Variants in TBCEL observed in about 807,000 individuals in gnomAD.
The protein encoded by TBCEL is tubulin folding cofactor E like.
In TBCEL, 15 loss-of-function variants were observed where a neutral mutation model predicts 44.2. The observed-to-expected ratio is 0.34, with a 90% CI of 0.23 to 0.52. TBCEL has a LOEUF of 0.52. Ranked by LOEUF, TBCEL falls within the 20% of genes least tolerant of loss-of-function variation. The probability of loss-of-function intolerance (pLI) is 0.95; values close to 1 mark genes in which losing one functional copy is unlikely to be tolerated. For missense variants in TBCEL, 319 were observed against 506.3 expected, an observed-to-expected ratio of 0.63 and a Z score of 3.55; for synonymous variants, 171 against 185.4, an observed-to-expected ratio of 0.92 and a Z score of 0.63.
rs1015887862 is a variant in TBCEL, at chr11:121,089,195, C to T, written c.*2099C>T. On this transcript the variant is annotated 3_prime_UTR_variant, in exon 9 of 9. Transcript: ENST00000683345. Reference sequence around the variant, plus strand: ...CCCTGGACTGTCCCACAGCAGAAGGCAGAACAAACACTTATGTTATGCTTT... The same window carrying T: ...CCCTGGACTGTCCCACAGCAGAAGGTAGAACAAACACTTATGTTATGCTTT... 1 of 152,014 alleles carries T rather than the reference C, an allele frequency of 6.6e-6. No individual in the cohort carries two copies. Among genetic ancestry groups the T allele is most frequent in the African/African-American group, 2.4e-5 (1 of 41,404 alleles). 9.4% of individuals were successfully genotyped at this position (152,014 alleles called of 1,614,324 possible). A position where few individuals can be genotyped will look rare whatever the true frequency, so the allele number is the denominator to read the frequency against.
At position 121,086,896 on chromosome 11, in the gene TBCEL, A is replaced by G. The variant is rs144345151; in HGVS notation, c.1075A>G (p.Ile359Val). ...TAACGATCAGGTGGAAGAAATGAGC[A>G]TTCGTCTGGACCAAACAGTGGCAGA... is the stretch of plus-strand genomic sequence containing the variant. ...HFNDQVEEMS[I>V]RLDQTVAELK... is the part of the protein sequence containing the mutation. Residue 359 changes from isoleucine (I) to valine (V), a missense_variant, in exon 9 of 9, where the codon ATT becomes GTT. By Grantham distance (29) the Ile-to-Val change is conservative. Coordinates refer to ENST00000683345, the MANE Select transcript of TBCEL (RefSeq NM_001363644.2). 2.7e-4 allele frequency: 435 copies of G among 1,614,118 alleles called. 2 individuals carry two copies. The highest frequency in any genetic ancestry group is 1.2e-3 in the Admixed American group (71 of 60,028).
chr11:121,059,815 A>G (rs1945686672), intron 7 of TBCEL, among the ~76,000 whole-genome samples, 154 bp from the exon 8 acceptor site: 1 of 151,954 alleles, frequency 6.6e-6, no homozygotes, highest in Non-Finnish European at 1.5e-5. Context: ...GGTTTAGACC[A>G]CTTTAGTTCA....
intron 7 of TBCEL, 21 bp downstream of exon 7, chr11:121,058,492 T>C (rs372808939): frequency 1.2e-6 from 2 of 1,609,806 alleles, no homozygotes; most frequent in African/African-American, 2.7e-5. Context: ...CTGATCGTTT[T>C]GCTTTATTTT....
At chr11:121,075,338 CT>C (rs930214904) in intron 8 of TBCEL, among the ~76,000 whole-genome samples, 4 of 151,874 alleles carry the variant, frequency 2.6e-5, no homozygotes, top group African/African-American at 9.7e-5. Context: ...AACTGGATCA[CT>C]ATAGGCAAAA....
chr11:121,029,590 A>G lies in TBCEL; in HGVS notation c.-126+5299A>G, dbSNP rs143436548. Among the ~76,000 whole-genome samples the G allele has an allele frequency of 1.8e-3, 269 of 152,342 alleles. 2 individuals are homozygous for G. The highest frequency in any genetic ancestry group is 3.4e-3 in the Middle Eastern group (1 of 294). On this transcript the variant is annotated intron_variant, in intron 1 of 8. Coordinates refer to ENST00000683345, the MANE Select transcript of TBCEL (RefSeq NM_001363644.2). Reference sequence around the variant, plus strand: ...AACTGAAGACCATGCTTTTAATCACAGTGCTCTTCTAAAAATGAAATTTAA... The same window carrying G: ...AACTGAAGACCATGCTTTTAATCACGGTGCTCTTCTAAAAATGAAATTTAA...
intron 1 of TBCEL, among the ~76,000 whole-genome samples, chr11:121,027,284 T>C (rs1945063061): frequency 6.6e-6 from 1 of 152,210 alleles, no homozygotes; most frequent in Non-Finnish European, 1.5e-5. Context: ...GTTATTGAGA[T>C]TTACTATTCC....
At chr11:121,054,684 T>C (rs1029517699) in intron 5 of TBCEL, 58 of 160,316 alleles carry the variant, frequency 3.6e-4, no homozygotes, top group Non-Finnish European at 6.8e-4. Flanking sequence ...TTTCAACTTA[T>C]GGAAGTCCTC....
At chr11:121,080,774 AT>A (rs1445043377) in intron 8 of TBCEL, among the ~76,000 whole-genome samples, 50 of 152,182 alleles carry the variant, frequency 3.3e-4, no homozygotes, top group African/African-American at 1.2e-3. Flanking sequence ...CTGAATTGTG[AT>A]TGAGGAAATG....
chr11:121,079,033 A>G (rs1946079803), intron 8 of TBCEL, among the ~76,000 whole-genome samples: 1 of 152,204 alleles, frequency 6.6e-6, no homozygotes. Flanking sequence ...TTTTGATAGC[A>G]CTTGAATTTA....
intron 7 of TBCEL, among the ~76,000 whole-genome samples, chr11:121,058,733 A>G (rs1945666870): frequency 6.6e-6 from 1 of 151,896 alleles, no homozygotes; most frequent in Non-Finnish European, 1.5e-5. Context: ...TTCAATACTT[A>G]GAATATTTGA....
At chr11:121,064,956 G>A in intron 8 of TBCEL, among the ~76,000 whole-genome samples, 1 of 152,044 alleles carries the variant, frequency 6.6e-6, no homozygotes, top group Non-Finnish European at 1.5e-5. Flanking sequence ...CTCCCGAGTA[G>A]CTGGGACTAC....
chr11:121,086,108 G>A (rs546377330), intron 8 of TBCEL, among the ~76,000 whole-genome samples: 3 of 152,098 alleles, frequency 2.0e-5, no homozygotes, highest in African/African-American at 7.2e-5. Context: ...ACATGACTTT[G>A]TGGGCCCTAT....
chr11:121,048,558 T>C (rs972964916), intron 4 of TBCEL, among the ~76,000 whole-genome samples: 1 of 151,936 alleles, frequency 6.6e-6, no homozygotes, highest in Admixed American at 6.6e-5. Flanking sequence ...AGGAAGACTT[T>C]CCTAATGGGT....
intron 2 of TBCEL, among the ~76,000 whole-genome samples, chr11:121,044,428 A>G (rs1051419872): frequency 1.3e-5 from 2 of 152,144 alleles, no homozygotes; most frequent in African/African-American, 4.8e-5. Flanking sequence ...TACCATTGCC[A>G]GGCTGCTTTG....
chr11:121,040,611 CTCTTT>C (rs1301624425), intron 2 of TBCEL, among the ~76,000 whole-genome samples: 1 of 151,880 alleles, frequency 6.6e-6, no homozygotes, highest in East Asian at 1.9e-4. Flanking sequence ...TATTTTATTT[CTCTTT>C]TCTTCCTCAC....
intron 7 of TBCEL, among the ~76,000 whole-genome samples, 190 bp downstream of exon 7, chr11:121,058,661 T>C (rs944635874): frequency 6.6e-6 from 1 of 151,890 alleles, no homozygotes; most frequent in Non-Finnish European, 1.5e-5. Context: ...GAGGAAAACA[T>C]GAGATGTAAT....
At position 121,089,430 on chromosome 11, in the gene TBCEL, A is replaced by T. The variant is rs541237407; in HGVS notation, c.*2334A>T. On this transcript the variant is annotated 3_prime_UTR_variant, in exon 9 of 9. Coordinates refer to ENST00000683345, the MANE Select transcript of TBCEL (RefSeq NM_001363644.2). ...ATGTGGGTATTTTTAGGGCATTGTA[A>T]TTGATGGTTTTAATAATTGCTGAAT... is the stretch of plus-strand genomic sequence containing the variant. The T allele has an allele frequency of 6.6e-6, 1 of 152,270 alleles. No homozygotes were observed. The highest frequency in any genetic ancestry group is 2.4e-5 in the African/African-American group (1 of 41,560). 9.4% of individuals were successfully genotyped at this position (152,270 alleles called of 1,614,324 possible).
At chr11:121,086,411 A>G (rs1310320079) in intron 8 of TBCEL, among the ~76,000 whole-genome samples, 1 of 152,204 alleles carries the variant, frequency 6.6e-6, no homozygotes, top group Non-Finnish European at 1.5e-5. Context: ...CCCAAGGGGT[A>G]CATGCCTAGA....
chr11:121,048,723 A>G (rs758772924), intron 4 of TBCEL, among the ~76,000 whole-genome samples: 1 of 151,902 alleles, frequency 6.6e-6, no homozygotes, highest in Non-Finnish European at 1.5e-5. Flanking sequence ...TGACTCTATA[A>G]GCATGACCCT....
Sources: gnomAD v4.1 joint callset for allele counts (sites outside exome capture counted in the v4.1 genomes callset) on GRCh38, gnomAD v4.1.1 for gene constraint, MANE v1.5 for transcripts, NCBI Gene and HGNC (gene_info 2026-07-23, HGNC 2026-07-21) for gene names.